Variants in CDH13 observed in about 807,000 individuals in gnomAD.
CDH13 encodes cadherin 13, also known as cadherin-13.
In CDH13, 24 loss-of-function variants were observed where a neutral mutation model predicts 63.8. The observed-to-expected ratio is 0.38, with a 90% CI of 0.27 to 0.53. CDH13 has a LOEUF of 0.53. CDH13 is among the 20% of genes least tolerant of loss of function. CDH13 has a pLI of 0.85. For synonymous variants in CDH13, 503 were observed against 355.3 expected, an observed-to-expected ratio of 1.42 and a Z score of -4.67; for missense variants, 1,049 against 903.1, an observed-to-expected ratio of 1.16 and a Z score of -2.07.
At chr16:83,343,614 T>C (rs1246967005) in intron 5 of CDH13, among the ~76,000 whole-genome samples, 2 of 152,246 alleles carry the variant, frequency 1.3e-5, no homozygotes, top group Non-Finnish European at 2.9e-5. Context: ...ATAACAAGAA[T>C]GTTTGTCTTT....
At chr16:83,435,438 C>T (rs910693784) in intron 6 of CDH13, among the ~76,000 whole-genome samples, 5 of 152,266 alleles carry the variant, frequency 3.3e-5, no homozygotes, top group South Asian at 2.1e-4. Context: ...TGTGGCTCCC[C>T]GTTGCCCCAA....
chr16:82,730,378 T>C (rs1280966470), intron 1 of CDH13, among the ~76,000 whole-genome samples: 2 of 152,176 alleles, frequency 1.3e-5, no homozygotes, highest in Non-Finnish European at 2.9e-5. Flanking sequence ...TTCATTATTA[T>C]GTGTCTCAGG....
At chr16:82,631,309 G>C (rs764921123) in intron 1 of CDH13, among the ~76,000 whole-genome samples, 15 of 152,114 alleles carry the variant, frequency 9.9e-5, no homozygotes, top group Non-Finnish European at 1.9e-4. Context: ...TCATTCTTTA[G>C]GTAGCCAAAA....
chr16:83,628,304 C>T (rs1175221339), intron 8 of CDH13, among the ~76,000 whole-genome samples: 1 of 152,144 alleles, frequency 6.6e-6, no homozygotes, highest in Non-Finnish European at 1.5e-5. Context: ...AGCAGGGTTT[C>T]CCCTTGTTGC....
intron 5 of CDH13, among the ~76,000 whole-genome samples, chr16:83,285,553 A>C (rs561787605): frequency 2.6e-5 from 4 of 152,312 alleles, no homozygotes; most frequent in African/African-American, 9.6e-5. Flanking sequence ...TAAAAAAAGC[A>C]ATGTAATAAC....
intron 5 of CDH13, among the ~76,000 whole-genome samples, chr16:83,227,749 G>T (rs1182201927): frequency 1.3e-5 from 2 of 152,152 alleles, no homozygotes; most frequent in South Asian, 4.1e-4. Context: ...AGCATCTGGG[G>T]ACCATAGAGC....
chr16:83,232,546 A>AAC (rs200337878), intron 5 of CDH13, among the ~76,000 whole-genome samples: 15,907 of 98,858 alleles, frequency 0.16, 1,098 homozygotes, highest in African/African-American at 0.21. Flanking sequence ...CAACAACAAC[A>AAC]AACAAACAAA....
chr16:83,203,051 C>T (rs2039077702), intron 4 of CDH13, among the ~76,000 whole-genome samples: 1 of 141,196 alleles, frequency 7.1e-6, no homozygotes, highest in South Asian at 2.2e-4. Flanking sequence ...CATGGAGAAA[C>T]CCATCTCTAC....
At position 83,661,062 on chromosome 16, in the gene CDH13, T is replaced by C. The variant is rs57271807; in HGVS notation, c.1102-9728T>C. Reference sequence around the variant, plus strand: ...TAGCAGCAAAACTTTTTTTTTTTTTTCAAACAAAATCCCAGGCAGGAATTC... The same window carrying C: ...TAGCAGCAAAACTTTTTTTTTTTTTCCAAACAAAATCCCAGGCAGGAATTC... On this transcript the variant is annotated intron_variant, in intron 8 of 13. Transcript: ENST00000567109. 1.2e-4 allele frequency among the ~76,000 whole-genome samples: 18 copies of C among 149,458 alleles called. No homozygotes were observed. In the South Asian group the frequency reaches 1.3e-3, roughly 11 times the overall value.
At chr16:83,543,913 T>G (rs1387259192) in intron 7 of CDH13, among the ~76,000 whole-genome samples, 2 of 152,192 alleles carry the variant, frequency 1.3e-5, no homozygotes, top group South Asian at 2.1e-4. Context: ...AGACCAAGAC[T>G]TCTGAGCCAC....
At chr16:83,247,134 G>C (rs996975651) in intron 5 of CDH13, among the ~76,000 whole-genome samples, 1 of 152,190 alleles carries the variant, frequency 6.6e-6, no homozygotes, top group Admixed American at 6.5e-5. Context: ...ATTGGTACCT[G>C]TGCCATCCTG....
intron 6 of CDH13, among the ~76,000 whole-genome samples, chr16:83,461,480 G>A (rs1057389934): frequency 1.4e-4 from 22 of 152,146 alleles, no homozygotes; most frequent in African/African-American, 5.1e-4. Context: ...TCTTCCCCTT[G>A]AGATTCTTAA....
chr16:82,689,052 C>T (rs113963640), intron 1 of CDH13: 1 of 152,188 alleles, frequency 6.6e-6, no homozygotes, highest in South Asian at 2.1e-4. Context: ...GTCTTTCACA[C>T]CAGCTGTGTT....
intron 7 of CDH13, among the ~76,000 whole-genome samples, chr16:83,572,699 T>C (rs1033348314): frequency 6.6e-6 from 1 of 152,192 alleles, no homozygotes; most frequent in Non-Finnish European, 1.5e-5. Flanking sequence ...CTATTGAACA[T>C]GTATAATAGC....
At chr16:83,543,638 G>A (rs1403505372) in intron 7 of CDH13, among the ~76,000 whole-genome samples, 1 of 152,150 alleles carries the variant, frequency 6.6e-6, no homozygotes, top group Non-Finnish European at 1.5e-5. Flanking sequence ...GGGGGTGATT[G>A]TGCTCCTCAG....
rs145818435 is a variant in CDH13 at position 82,999,034 on chromosome 16, G to A, written c.158-32976G>A. 1.2e-4 allele frequency among the ~76,000 whole-genome samples: 18 copies of A among 152,052 alleles called. No homozygotes were observed. The East Asian group carries it at 1.9e-3, about 16-fold the overall frequency. On this transcript the variant is annotated intron_variant, in intron 2 of 13. Coordinates refer to ENST00000567109, the MANE Select transcript of CDH13 (RefSeq NM_001257.5). ...AACATCCCTTCAGACACCAAAACGC[G>A]TATTCTTCCACGTTCCATCAGCAGA...
At chr16:83,000,790 A>C (rs1463477852) in intron 2 of CDH13, among the ~76,000 whole-genome samples, 1 of 151,962 alleles carries the variant, frequency 6.6e-6, no homozygotes, top group African/African-American at 2.4e-5. Flanking sequence ...CGTGTTAGCC[A>C]AGATGATCTC....
At chr16:83,118,654 G>A (rs1301515740) in intron 3 of CDH13, among the ~76,000 whole-genome samples, 5 of 152,056 alleles carry the variant, frequency 3.3e-5, no homozygotes, top group Non-Finnish European at 7.3e-5. Context: ...TACCGTTTCT[G>A]CAGTTCTTTA....
At chr16:83,506,069 T>C (rs558578677) in intron 7 of CDH13, among the ~76,000 whole-genome samples, 1 of 152,344 alleles carries the variant, frequency 6.6e-6, no homozygotes, top group African/African-American at 2.4e-5. Flanking sequence ...CCAAAGAGGC[T>C]GTCAGAATGG....
Sources: gnomAD v4.1 joint callset for allele counts (sites outside exome capture counted in the v4.1 genomes callset) on GRCh38, gnomAD v4.1.1 for gene constraint, MANE v1.5 for transcripts, NCBI Gene and HGNC (gene_info 2026-07-23, HGNC 2026-07-21) for gene names.